The following GRIK4 variants were observed in gnomAD, a reference collection of about 807,000 sequenced individuals.
The protein encoded by GRIK4 is glutamate receptor ionotropic, kainate 4.
A neutral mutation model predicts 104.9 loss-of-function variants in GRIK4; 40 were observed. The ratio of observed to expected loss-of-function variants is 0.38; its 90% CI spans 0.30 to 0.50. GRIK4 has a LOEUF of 0.50. Ranked by LOEUF, GRIK4 falls within the 20% of genes least tolerant of loss-of-function variation. The pLI, the probability that GRIK4 is intolerant of heterozygous loss-of-function variation, is 0.93. For synonymous variants in GRIK4, 485 were observed against 524.9 expected, an observed-to-expected ratio of 0.92 and a Z score of 1.04; for missense variants, 1,047 against 1,308.1, an observed-to-expected ratio of 0.80 and a Z score of 3.08.
chr11:120,629,668 T>A (rs1042900314), intron 1 of GRIK4, among the ~76,000 whole-genome samples: 2 of 152,210 alleles, frequency 1.3e-5, no homozygotes, highest in African/African-American at 4.8e-5. Flanking sequence ...ACTTCCCTCC[T>A]GCTCTTTTCC....
intron 3 of GRIK4, among the ~76,000 whole-genome samples, chr11:120,787,945 A>C (rs1312704771): frequency 7.6e-6 from 1 of 131,590 alleles, no homozygotes; most frequent in African/African-American, 3.0e-5. Context: ...TCACAGCAGC[A>C]ACCTCCGCCT....
rs35187805 is a variant in GRIK4, at chr11:120,524,201, C to T, written c.-159+12314C>T. On this transcript the variant is annotated intron_variant, in intron 1 of 20. Transcript: ENST00000527524. The surrounding 1 kb of genome is among the most constrained non-coding windows in gnomAD (Gnocchi z 4.5). ...TGACCTCCCAAAGTGCTGGGATTAG[C>T]GGCGTGAGCCACCGCGTCTGGCCGT... 0.1 allele frequency among the ~76,000 whole-genome samples: 15,322 copies of T among 152,188 alleles called. 955 individuals are homozygous for T. Among genetic ancestry groups the T allele is most frequent in the African/African-American group, 0.17 (7,209 of 41,492 alleles).
At chr11:120,924,116 G>C (rs1300811659) in intron 13 of GRIK4, among the ~76,000 whole-genome samples, 1 of 152,212 alleles carries the variant, frequency 6.6e-6, no homozygotes, top group Non-Finnish European at 1.5e-5. Context: ...CTGTTAAGCT[G>C]TTTGTGCCAG....
intron 3 of GRIK4, among the ~76,000 whole-genome samples, chr11:120,766,827 T>G (rs1412428157): frequency 6.6e-6 from 1 of 151,084 alleles, no homozygotes; most frequent in Non-Finnish European, 1.5e-5. Context: ...GTACCTCAGT[T>G]GGAAACACAG....
chr11:120,963,971 A>ATTTT (rs1944337738), intron 18 of GRIK4, among the ~76,000 whole-genome samples: 2 of 54,906 alleles, frequency 3.6e-5, no homozygotes, highest in African/African-American at 1.8e-4. Flanking sequence ...CTATGTTTTT[A>ATTTT]TTTATTTATT....
intron 11 of GRIK4, among the ~76,000 whole-genome samples, chr11:120,879,909 C>T (rs979948298): frequency 1.3e-5 from 2 of 152,190 alleles, no homozygotes; most frequent in Non-Finnish European, 2.9e-5. Flanking sequence ...GAAGGAAGCA[C>T]AACATCATAA....
Position 120,628,815 on chromosome 11 carries a change from G to A in GRIK4, c.-158-24870G>A, listed in dbSNP as rs116643182. Among the ~76,000 whole-genome samples the A allele has an allele frequency of 6.3e-3, 962 of 152,264 alleles. 12 individuals are homozygous for A. Among genetic ancestry groups the A allele is most frequent in the African/African-American group, 0.022 (916 of 41,546 alleles). On this transcript the variant is annotated intron_variant, in intron 1 of 20. Coordinates refer to ENST00000527524, the MANE Select transcript of GRIK4 (RefSeq NM_014619.5). ...TCAGTTCTCTGTTTTTTCTTATACCGTGAAAAATAAATGTGAAGTAAAGAG... is the reference window on the plus strand; with the variant it reads ...TCAGTTCTCTGTTTTTTCTTATACCATGAAAAATAAATGTGAAGTAAAGAG...
At chr11:120,743,743 T>C (rs1405296347) in intron 3 of GRIK4, among the ~76,000 whole-genome samples, 1 of 152,224 alleles carries the variant, frequency 6.6e-6, no homozygotes, top group Non-Finnish European at 1.5e-5. Flanking sequence ...CAAAGTCTCA[T>C]AGATGCTTTT....
intron 3 of GRIK4, among the ~76,000 whole-genome samples, chr11:120,791,876 A>G (rs952647743): frequency 1.3e-5 from 2 of 152,154 alleles, no homozygotes; most frequent in African/African-American, 4.8e-5. Flanking sequence ...TCAGTTTTCC[A>G]CAAATGCACG....
rs145826373 is a variant in GRIK4, at chr11:120,768,640, C to T, written c.83-34053C>T. On this transcript the variant is annotated intron_variant, in intron 3 of 20. Transcript: ENST00000527524. The stretch of plus-strand genomic sequence containing the variant: ...TACCAGATCTTAGTAGAAAAGCTTT[C>T]AGTTGTTCCCCATTGATTATGAGTT... Among the ~76,000 whole-genome samples the T allele has an allele frequency of 2.9e-3, 449 of 152,298 alleles. 1 individual carries two copies. The highest frequency in any genetic ancestry group is 6.8e-3 in the Middle Eastern group (2 of 294).
At position 120,736,241 on chromosome 11, in the gene GRIK4, C is replaced by T. The variant is rs537927781; in HGVS notation, c.83-66452C>T. On this transcript the variant is annotated intron_variant, in intron 3 of 20. Transcript: ENST00000527524. Reference sequence around the variant, plus strand: ...TCTAGAAATATCTGGGAGCCAGGGCCGGGAATGGGGACCTCATGACTCTGC... The same window carrying T: ...TCTAGAAATATCTGGGAGCCAGGGCTGGGAATGGGGACCTCATGACTCTGC... Among the ~76,000 whole-genome samples, 3 of 152,188 alleles carry T rather than the reference C, an allele frequency of 2.0e-5. No homozygotes were observed. In the East Asian group the frequency reaches 5.8e-4, roughly 29 times the overall value.
At chr11:120,866,217 C>T (rs1954404055) in intron 9 of GRIK4, among the ~76,000 whole-genome samples, 2 of 152,130 alleles carry the variant, frequency 1.3e-5, no homozygotes, top group African/African-American at 4.8e-5. Context: ...TATCCGGATG[C>T]GCCATGCAGG....
intron 9 of GRIK4, chr11:120,867,833 C>G (rs1032371282): frequency 6.6e-6 from 1 of 151,272 alleles, no homozygotes; most frequent in African/African-American, 2.4e-5. Flanking sequence ...TAGCTTCACA[C>G]GCCGTTCCCA....
intron 15 of GRIK4, among the ~76,000 whole-genome samples, chr11:120,954,832 AAC>A (rs1256041275): frequency 3.8e-4 from 3 of 7,960 alleles, no homozygotes; most frequent in Non-Finnish European, 5.8e-4. Flanking sequence ...CACACACACA[AAC>A]AATACTGGAG....
chr11:120,761,453 T>A lies in GRIK4; in HGVS notation c.83-41240T>A, dbSNP rs568336234. Among the ~76,000 whole-genome samples the A allele has an allele frequency of 5.3e-5, 8 of 152,368 alleles. No individual in the cohort carries two copies. In the East Asian group the frequency reaches 1.5e-3, roughly 29 times the overall value. The stretch of plus-strand genomic sequence containing the variant: ...GCTATGCAGAAGCTCTTTAGTTTAA[T>A]TAGATCCCATTTGTCAATTTTGGCT... On this transcript the variant is annotated intron_variant, in intron 3 of 20. Transcript: ENST00000527524.
intron 1 of GRIK4, among the ~76,000 whole-genome samples, chr11:120,597,316 C>T (rs1452735190): frequency 6.6e-6 from 1 of 152,210 alleles, no homozygotes; most frequent in Non-Finnish European, 1.5e-5. Context: ...GATGATGTTT[C>T]CCGCAGAGGG....
At chr11:120,914,826 A>G (rs1294714918) in intron 13 of GRIK4, among the ~76,000 whole-genome samples, 2 of 152,222 alleles carry the variant, frequency 1.3e-5, no homozygotes, top group African/African-American at 4.8e-5. Flanking sequence ...ACTCTAGCAG[A>G]TGAGAGGGGG....
intron 13 of GRIK4, among the ~76,000 whole-genome samples, chr11:120,913,979 G>T (rs1737653153): frequency 6.6e-6 from 1 of 152,164 alleles, no homozygotes; most frequent in African/African-American, 2.4e-5. Context: ...TAAAGATACT[G>T]ATCCAGGGGC....
Position 120,517,053 on chromosome 11 carries a change from G to A in GRIK4, c.-159+5166G>A, listed in dbSNP as rs1235322716. ...CCCCAGCCTCCTGCCAGCCCTCGCC[G>A]CCCTCCCTCCACGGTACCCTCGTGT... On this transcript the variant is annotated intron_variant, in intron 1 of 20. Transcript: ENST00000527524. Among the ~76,000 whole-genome samples, 6 of 148,466 alleles carry A rather than the reference G, an allele frequency of 4.0e-5. 1 individual carries two copies. Among genetic ancestry groups the A allele is most frequent in the Non-Finnish European group, 8.9e-5 (6 of 67,386 alleles).
Sources: gnomAD v4.1 joint callset for allele counts (sites outside exome capture counted in the v4.1 genomes callset) on GRCh38, gnomAD v4.1.1 for gene constraint, Gnocchi (gnomAD v3.1) non-coding constraint, MANE v1.5 for transcripts, NCBI Gene and HGNC (gene_info 2026-07-23, HGNC 2026-07-21) for gene names.